The following CNTN5 variants were observed in gnomAD, a reference collection of about 807,000 sequenced individuals.
CNTN5 encodes contactin 5.
CNTN5 carries 77 observed loss-of-function variants against 129.1 expected under a neutral mutation model. The observed-to-expected ratio is 0.60, with a 90% CI of 0.50 to 0.72. CNTN5 has a LOEUF of 0.72. Among genes scored for constraint, CNTN5 ranks in the 30% least tolerant of loss-of-function variants. CNTN5 has a pLI of 0.00. For missense variants in CNTN5, 1,478 were observed against 1,328.8 expected, an observed-to-expected ratio of 1.11 and a Z score of -1.75; for synonymous variants, 509 against 465.6, an observed-to-expected ratio of 1.09 and a Z score of -1.20.
intron 1 of CNTN5, among the ~76,000 whole-genome samples, chr11:99,067,638 G>C (rs1006008089): frequency 6.6e-6 from 1 of 152,070 alleles, no homozygotes; most frequent in Non-Finnish European, 1.5e-5. Context: ...AAAAGCTTTA[G>C]AATTCAAGGG....
At chr11:99,734,736 G>A (rs1475553681) in intron 3 of CNTN5, among the ~76,000 whole-genome samples, 2 of 149,764 alleles carry the variant, frequency 1.3e-5, no homozygotes, top group African/African-American at 4.9e-5. Flanking sequence ...CTTCCTACTG[G>A]AAGGGAATAA....
At chr11:99,150,520 C>T (rs1479749337) in intron 1 of CNTN5, among the ~76,000 whole-genome samples, 2 of 151,806 alleles carry the variant, frequency 1.3e-5, no homozygotes, top group African/African-American at 4.8e-5. Context: ...TTCATTTTGC[C>T]TTTTCCTTAA....
intron 2 of CNTN5, among the ~76,000 whole-genome samples, chr11:99,341,399 T>C (rs891883921): frequency 9.8e-5 from 15 of 152,324 alleles, no homozygotes; most frequent in Admixed American, 2.6e-4. Flanking sequence ...AATTTCATAG[T>C]ATGCCTTTTT....
intron 2 of CNTN5, among the ~76,000 whole-genome samples, chr11:99,539,255 A>T (rs12278225): frequency 0.13 from 19,300 of 152,090 alleles, 1,397 homozygotes; most frequent in African/African-American, 0.19. Context: ...TTATTTTGAG[A>T]TTGTTTATGA....
chr11:99,040,695 T>C (rs1863951210), intron 1 of CNTN5, among the ~76,000 whole-genome samples: 3 of 152,140 alleles, frequency 2.0e-5, no homozygotes, highest in Admixed American at 6.5e-5. Context: ...ATCAACCCAT[T>C]TTTAAATATT....
At chr11:100,333,532 A>G (rs1177314871) in intron 21 of CNTN5, among the ~76,000 whole-genome samples, 1 of 152,092 alleles carries the variant, frequency 6.6e-6, no homozygotes, top group Non-Finnish European at 1.5e-5. Flanking sequence ...CTGACTTCAA[A>G]CTATTCTATA....
chr11:100,341,499 A>C (rs542684773), intron 23 of CNTN5, among the ~76,000 whole-genome samples: 2 of 152,338 alleles, frequency 1.3e-5, no homozygotes, highest in South Asian at 4.1e-4. Context: ...GAATTTAGGC[A>C]GAGAATTCTG....
At chr11:100,019,095 C>T (rs575374213) in intron 9 of CNTN5, among the ~76,000 whole-genome samples, 1 of 152,030 alleles carries the variant, frequency 6.6e-6, no homozygotes, top group South Asian at 2.1e-4. Flanking sequence ...CACTCTGGGA[C>T]TGTCTTTTTA....
chr11:100,206,786 T>A (rs2138573101), intron 15 of CNTN5, among the ~76,000 whole-genome samples: 1 of 152,226 alleles, frequency 6.6e-6, no homozygotes, highest in South Asian at 2.1e-4. Context: ...ACAATAAATT[T>A]TTTTAGGACA....
At chr11:99,667,894 C>G (rs1022204087) in intron 3 of CNTN5, among the ~76,000 whole-genome samples, 7 of 151,902 alleles carry the variant, frequency 4.6e-5, no homozygotes, top group African/African-American at 1.7e-4. Context: ...CCATGGCACC[C>G]ATATACCTAT....
intron 9 of CNTN5, among the ~76,000 whole-genome samples, chr11:100,011,459 AATTTT>A (rs1371490173): frequency 6.6e-6 from 1 of 152,106 alleles, no homozygotes; most frequent in Non-Finnish European, 1.5e-5. Context: ...CTTTTTAAAA[AATTTT>A]ACATGTTTCT....
intron 7 of CNTN5, among the ~76,000 whole-genome samples, chr11:99,933,179 C>T (rs1437788633): frequency 6.6e-6 from 1 of 151,824 alleles, no homozygotes; most frequent in African/African-American, 2.4e-5. Flanking sequence ...GTTATTTGAT[C>T]ACATATAATA....
chr11:99,980,452 C>A (rs1016501851), intron 8 of CNTN5, among the ~76,000 whole-genome samples: 2 of 152,014 alleles, frequency 1.3e-5, no homozygotes, highest in Non-Finnish European at 2.9e-5. Context: ...TTTGTGTAAC[C>A]GGTGTATTAG....
At chr11:99,978,189 A>T (rs1938114071) in intron 8 of CNTN5, among the ~76,000 whole-genome samples, 1 of 152,228 alleles carries the variant, frequency 6.6e-6, no homozygotes, top group Non-Finnish European at 1.5e-5. Flanking sequence ...CTTATAGAAT[A>T]AAGATCTAAA....
chr11:99,380,097 G>GTGTA (rs1940444171), intron 2 of CNTN5, among the ~76,000 whole-genome samples: 1 of 136,612 alleles, frequency 7.3e-6, no homozygotes, highest in East Asian at 2.1e-4. Context: ...GTGTGTGTGT[G>GTGTA]TGTGTGTGTA....
chr11:99,421,366 G>T (rs1942881605), intron 2 of CNTN5, among the ~76,000 whole-genome samples: 1 of 152,114 alleles, frequency 6.6e-6, no homozygotes, highest in African/African-American at 2.4e-5. Flanking sequence ...CTCTAAAGAG[G>T]CTACCCAGAG....
chr11:99,640,007 C>T (rs1014985714), intron 3 of CNTN5, among the ~76,000 whole-genome samples: 3 of 152,144 alleles, frequency 2.0e-5, no homozygotes, highest in East Asian at 3.9e-4. Flanking sequence ...TACCAAGATT[C>T]ACCTCTGCTT....
intron 2 of CNTN5, among the ~76,000 whole-genome samples, chr11:99,375,247 G>C (rs1443723815): frequency 1.5e-5 from 2 of 129,248 alleles, no homozygotes; most frequent in African/African-American, 5.7e-5. Context: ...AGGTTGCAAT[G>C]AATGTAGATC....
At chr11:99,529,636 A>C (rs546174252) in intron 2 of CNTN5, among the ~76,000 whole-genome samples, 1 of 152,342 alleles carries the variant, frequency 6.6e-6, no homozygotes, top group Non-Finnish European at 1.5e-5. Flanking sequence ...CTTTACCATG[A>C]CTTTGAAAAG....
Sources: allele counts gnomAD v4.1 joint callset (sites outside exome capture counted in the v4.1 genomes callset), GRCh38; gene constraint gnomAD v4.1.1; transcripts MANE v1.5; gene names NCBI Gene and HGNC (gene_info 2026-07-23, HGNC 2026-07-21).